The following KIAA1217 variants were observed in gnomAD, a reference collection of about 807,000 sequenced individuals.
KIAA1217 encodes sickle tail protein homolog.
In KIAA1217, 88 loss-of-function variants were observed where a neutral mutation model predicts 163.9. The observed-to-expected ratio is 0.54, with a 90% CI of 0.45 to 0.64. The LOEUF is 0.64. KIAA1217 is among the 30% of genes least tolerant of loss of function. The pLI is 0.00. For missense variants in KIAA1217, 2,372 were observed against 2,475.0 expected, an observed-to-expected ratio of 0.96 and a Z score of 0.88; for synonymous variants, 903 against 923.1, an observed-to-expected ratio of 0.98 and a Z score of 0.39.
At chr10:23,899,023 A>G (rs1841840169) in intron 1 of KIAA1217, among the ~76,000 whole-genome samples, 1 of 152,132 alleles carries the variant, frequency 6.6e-6, no homozygotes. Flanking sequence ...TTACTCTATC[A>G]TACCACTATT....
intron 1 of KIAA1217, among the ~76,000 whole-genome samples, chr10:23,696,213 T>C (rs942593394): frequency 1.3e-5 from 2 of 152,232 alleles, no homozygotes; most frequent in Non-Finnish European, 2.9e-5. Context: ...AAAAAGTTCT[T>C]GGAATCTGCC....
intron 17 of KIAA1217, 41 bp from the exon 18 acceptor site, chr10:24,542,652 T>A (rs774649620): frequency 1.3e-5 from 21 of 1,597,170 alleles, no homozygotes; most frequent in Non-Finnish European, 2.6e-6. Context: ...TTTGGGGGGA[T>A]GTGGTTTTGT....
intron 1 of KIAA1217, among the ~76,000 whole-genome samples, chr10:23,866,128 C>A (rs893654408): frequency 6.6e-6 from 1 of 152,046 alleles, no homozygotes; most frequent in African/African-American, 2.4e-5. Context: ...AATAAAGTAA[C>A]CTCTGCTGTA....
At chr10:24,237,907 C>G (rs534863395) in intron 2 of KIAA1217, among the ~76,000 whole-genome samples, 1 of 152,198 alleles carries the variant, frequency 6.6e-6, no homozygotes, top group Non-Finnish European at 1.5e-5. Context: ...CAGTGAACTA[C>G]GGCAATGCAA....
At chr10:24,312,486 G>A (rs968692545) in intron 2 of KIAA1217, among the ~76,000 whole-genome samples, 1 of 152,096 alleles carries the variant, frequency 6.6e-6, no homozygotes, top group Non-Finnish European at 1.5e-5. Flanking sequence ...GGGCGTGGTG[G>A]CGCATGCCTG....
chr10:24,082,615 T>C (rs946908913), intron 2 of KIAA1217, among the ~76,000 whole-genome samples: 1 of 152,266 alleles, frequency 6.6e-6, no homozygotes, highest in African/African-American at 2.4e-5. Context: ...ATGGTGTATA[T>C]GTACCACAGT....
intron 1 of KIAA1217, among the ~76,000 whole-genome samples, chr10:23,997,988 T>C (rs550542976): frequency 4.6e-5 from 7 of 151,310 alleles, no homozygotes; most frequent in Admixed American, 3.9e-4. Context: ...GCTTTCTTTT[T>C]TTTTTTCCCC....
intron 2 of KIAA1217, among the ~76,000 whole-genome samples, chr10:24,128,935 A>G (rs182781927): frequency 6.3e-4 from 96 of 152,392 alleles, no homozygotes; most frequent in Admixed American, 1.7e-3. Context: ...TAAAGGCTGC[A>G]TACCTCTTTT....
chr10:24,408,048 C>G (rs2057398958), intron 3 of KIAA1217, among the ~76,000 whole-genome samples: 1 of 152,120 alleles, frequency 6.6e-6, no homozygotes, highest in Non-Finnish European at 1.5e-5. Flanking sequence ...AGCATAGACT[C>G]TAAAGCCAGA....
chr10:24,031,228 T>A (rs1035721235), intron 2 of KIAA1217, among the ~76,000 whole-genome samples: 1 of 152,146 alleles, frequency 6.6e-6, no homozygotes, highest in Admixed American at 6.6e-5. Context: ...TTTCATAGCA[T>A]CCACTCTCAT....
rs1363218548 is a variant in KIAA1217, at chr10:23,887,055, C to G, written c.-320-120170C>G. ...TTTCTGGCTCTACTTAGTAGGGAAA[C>G]AGAATAAGAGTCAGGAATCCTAGAT... is the stretch of plus-strand genomic sequence containing the variant. On this transcript the variant is annotated intron_variant, in intron 1 of 18. Transcript: ENST00000376462. Among the ~76,000 whole-genome samples the G allele has an allele frequency of 2.2e-4, 33 of 151,776 alleles. 1 individual carries two copies. The highest frequency in any genetic ancestry group is 2.1e-3 in the Admixed American group (32 of 15,208).
chr10:24,497,139 A>G (rs575521215), intron 8 of KIAA1217, among the ~76,000 whole-genome samples: 1 of 152,352 alleles, frequency 6.6e-6, no homozygotes, highest in Admixed American at 6.5e-5. Flanking sequence ...CTAGGAAGTC[A>G]GCTACAAGAC....
intron 1 of KIAA1217, among the ~76,000 whole-genome samples, chr10:23,854,611 G>A (rs1035555512): frequency 6.6e-6 from 1 of 152,116 alleles, no homozygotes; most frequent in Non-Finnish European, 1.5e-5. Flanking sequence ...TTTGACAGTG[G>A]GGTGTTAAAG....
At chr10:24,062,453 AC>A (rs1271915038) in intron 2 of KIAA1217, among the ~76,000 whole-genome samples, 4 of 151,442 alleles carry the variant, frequency 2.6e-5, no homozygotes, top group Non-Finnish European at 5.9e-5. Flanking sequence ...CCATGTCCCT[AC>A]AAAGGACATG....
At chr10:23,875,896 C>T (rs1373261749) in intron 1 of KIAA1217, among the ~76,000 whole-genome samples, 1 of 125,122 alleles carries the variant, frequency 8.0e-6, no homozygotes, top group East Asian at 2.4e-4. Flanking sequence ...GGGAGTTAAA[C>T]AATGAGAACA....
chr10:23,947,764 G>C (rs1203552026), intron 1 of KIAA1217, among the ~76,000 whole-genome samples: 1 of 152,166 alleles, frequency 6.6e-6, no homozygotes, highest in African/African-American at 2.4e-5. Flanking sequence ...CCTGCCTAAA[G>C]CTTATATTCT....
rs74124852 is a variant in KIAA1217, at chr10:23,998,117, A to G, written c.-320-9108A>G. Among the ~76,000 whole-genome samples, 811 of 152,070 alleles carry G rather than the reference A, an allele frequency of 5.3e-3. 5 individuals are homozygous for G. The highest frequency in any genetic ancestry group is 0.019 in the African/African-American group (768 of 41,466). On this transcript the variant is annotated intron_variant, in intron 1 of 18. Coordinates refer to the KIAA1217 transcript ENST00000376462. The stretch of plus-strand genomic sequence containing the variant: ...GGCTCTTTCTCCTTTGCTTTCAAAC[A>G]TTAGTAAATTCACTTATATTTTTAA...
At chr10:23,906,875 C>T (rs1589051724) in intron 1 of KIAA1217, among the ~76,000 whole-genome samples, 1 of 152,026 alleles carries the variant, frequency 6.6e-6, no homozygotes, top group East Asian at 1.9e-4. Flanking sequence ...TGACTGGGTT[C>T]CCTTACATTC....
chr10:24,122,580 T>C (rs1012655464), intron 2 of KIAA1217, among the ~76,000 whole-genome samples: 2 of 152,156 alleles, frequency 1.3e-5, no homozygotes, highest in Admixed American at 6.6e-5. Context: ...TCAGAAATAC[T>C]ATCCTCTCAC....
Sources: allele counts gnomAD v4.1 joint callset (sites outside exome capture counted in the v4.1 genomes callset), GRCh38; gene constraint gnomAD v4.1.1; transcripts MANE v1.5; gene names NCBI Gene and HGNC (gene_info 2026-07-23, HGNC 2026-07-21).